Variants in ROPN1L observed in about 807,000 individuals in gnomAD.
ROPN1L encodes rhophilin associated tail protein 1 like.
Under a neutral mutation model 22.7 loss-of-function variants are expected in ROPN1L, and 23 were observed. That is an observed-to-expected ratio of 1.01 (90% CI 0.73 to 1.43). The LOEUF (loss-of-function observed/expected upper bound fraction) is 1.43, where lower values mean the gene tolerates loss of function less well. ROPN1L is among the 40% of genes most tolerant of loss of function. The pLI is 0.00. For synonymous variants in ROPN1L, 116 were observed against 117.8 expected, an observed-to-expected ratio of 0.98 and a Z score of 0.10; for missense variants, 271 against 291.5, an observed-to-expected ratio of 0.93 and a Z score of 0.51.
chr5:10,448,796 G>A (rs1292740502), intron 2 of ROPN1L, among the ~76,000 whole-genome samples: 1 of 152,226 alleles, frequency 6.6e-6, no homozygotes, highest in Admixed American at 6.5e-5. Flanking sequence ...TGTCTGGAAG[G>A]CGGGGCTGGC....
chr5:10,467,513 G>A (rs977059666), downstream of ROPN1L, among the ~76,000 whole-genome samples: 1 of 152,202 alleles, frequency 6.6e-6, no homozygotes, highest in Admixed American at 6.5e-5. Flanking sequence ...CGGTCTGGAG[G>A]CGGGAGGGGA....
At chr5:10,463,264 A>G (rs756106095) in intron 4 of ROPN1L, among the ~76,000 whole-genome samples, 25 of 152,212 alleles carry the variant, frequency 1.6e-4, no homozygotes, top group South Asian at 4.1e-4. Context: ...TAAAGACAAG[A>G]TGCAGAGTAA....
intron 3 of ROPN1L, among the ~76,000 whole-genome samples, chr5:10,451,471 GGTTTTGACTTGATGAAAAGA>G (rs1426195090): frequency 1.3e-5 from 2 of 152,174 alleles, no homozygotes; most frequent in African/African-American, 4.8e-5. Flanking sequence ...AATTTTAGTT[GGTTTTGACTTGATGAAAAGA>G]CATTTGTGTT....
chr5:10,444,479 TG>T (rs1310087129), intron 1 of ROPN1L, among the ~76,000 whole-genome samples: 1 of 151,718 alleles, frequency 6.6e-6, no homozygotes, highest in Non-Finnish European at 1.5e-5. Context: ...TTAGTAGAGA[TG>T]GGGTTTCACC....
At chr5:10,444,064 C>G (rs1355841575) in intron 1 of ROPN1L, among the ~76,000 whole-genome samples, 1 of 152,194 alleles carries the variant, frequency 6.6e-6, no homozygotes, top group African/African-American at 2.4e-5. Flanking sequence ...CCATCCAGTG[C>G]TTGCCTTCTG....
chr5:10,452,317 G>GTC (rs1307016470), intron 3 of ROPN1L, among the ~76,000 whole-genome samples: 2,548 of 142,320 alleles, frequency 0.018, 55 homozygotes, highest in African/African-American at 0.068. Context: ...GTGTGTGTCT[G>GTC]TGTGTGTGTG....
At chr5:10,446,660 C>CAA (rs10650382) in intron 1 of ROPN1L, among the ~76,000 whole-genome samples, 123,114 of 142,154 alleles carry the variant, frequency 0.87, 55,110 homozygotes, top group East Asian at 0.99. Context: ...GACTCTATCT[C>CAA]AAAAAAAAAA....
exon 5 of ROPN1L, chr5:10,471,815 T>A (rs1735250923): frequency 6.6e-6 from 1 of 152,308 alleles, no homozygotes; most frequent in Admixed American, 6.5e-5. Flanking sequence ...ATCAGGGTCT[T>A]GTCCTGGCTG....
chr5:10,457,268 G>A (rs1431284334), intron 3 of ROPN1L, among the ~76,000 whole-genome samples: 3 of 152,196 alleles, frequency 2.0e-5, no homozygotes, highest in Non-Finnish European at 4.4e-5. Context: ...AGCACTGCTG[G>A]CATGGGAAGG....
the ROPN1L span, chr5:10,479,347 A>G: frequency 5.3e-5 from 8 of 152,208 alleles, no homozygotes; most frequent in African/African-American, 1.9e-4. Context: ...TGTGATGACT[A>G]TTCTCTTTCA....
chr5:10,453,331 G>A (rs545112742), intron 3 of ROPN1L, among the ~76,000 whole-genome samples: 106 of 152,228 alleles, frequency 7.0e-4, no homozygotes, highest in African/African-American at 2.5e-3. Context: ...CTCGGGGTGC[G>A]CTGGGTAGAC....
chr5:10,462,324 A>G (rs1015563653), intron 4 of ROPN1L, among the ~76,000 whole-genome samples: 2 of 152,208 alleles, frequency 1.3e-5, no homozygotes, highest in African/African-American at 2.4e-5. Context: ...CTTTGTCCCA[A>G]CGAATCCCGT....
At chr5:10,474,567 C>T (rs1191521989), downstream of ROPN1L, among the ~76,000 whole-genome samples, 1 of 152,226 alleles carries the variant, frequency 6.6e-6, no homozygotes, top group Non-Finnish European at 1.5e-5. Context: ...CTGCCAATGA[C>T]CTGGATGAGT....
chr5:10,474,160 G>GAA (rs35607791), downstream of ROPN1L, among the ~76,000 whole-genome samples: 163 of 117,224 alleles, frequency 1.4e-3, no homozygotes, highest in South Asian at 5.7e-3. Flanking sequence ...TCAAAAAAAG[G>GAA]AAAAAAAAAA....
At chr5:10,446,647 C>G (rs181413964) in intron 1 of ROPN1L, among the ~76,000 whole-genome samples, 1 of 104,632 alleles carries the variant, frequency 9.6e-6, no homozygotes, top group South Asian at 4.5e-4. Flanking sequence ...GGCCACAGAA[C>G]GAGACTCTAT....
intron 1 of ROPN1L, among the ~76,000 whole-genome samples, chr5:10,443,807 T>C (rs1579639703): frequency 6.6e-6 from 1 of 152,192 alleles, no homozygotes; most frequent in East Asian, 1.9e-4. Flanking sequence ...CTTGGACGCC[T>C]TGGCTCATGT....
the ROPN1L span, among the ~76,000 whole-genome samples, chr5:10,478,545 G>C: frequency 6.6e-6 from 1 of 152,130 alleles, no homozygotes; most frequent in Non-Finnish European, 1.5e-5. Flanking sequence ...ATTCCTTGGC[G>C]TGTGGGTGCA....
intron 3 of ROPN1L, 37 bp from the exon 4 acceptor site, chr5:10,461,147 A>T: frequency 6.3e-7 from 1 of 1,582,186 alleles, no homozygotes; most frequent in Non-Finnish European, 8.6e-7. Flanking sequence ...TGCCAGGAGT[A>T]ACTGTTTTTC....
At chr5:10,457,854 C>T (rs998330995) in intron 3 of ROPN1L, among the ~76,000 whole-genome samples, 2 of 152,106 alleles carry the variant, frequency 1.3e-5, no homozygotes, top group East Asian at 3.9e-4. Flanking sequence ...GTTTCTTGCG[C>T]TTCCCTTGGA....
Sources: allele counts gnomAD v4.1 joint callset (sites outside exome capture counted in the v4.1 genomes callset), GRCh38; gene constraint gnomAD v4.1.1; transcripts MANE v1.5; gene names NCBI Gene and HGNC (gene_info 2026-07-23, HGNC 2026-07-21).